MYO18B: variants seen among roughly 807,000 people sequenced by gnomAD.
MYO18B encodes unconventional myosin-XVIIIb.
A neutral mutation model predicts 273.0 loss-of-function variants in MYO18B; 204 were observed. The observed-to-expected ratio is 0.75, with a 90% confidence interval of 0.67 to 0.84. The LOEUF (loss-of-function observed/expected upper bound fraction) is 0.84. MYO18B is among the 40% of genes least tolerant of loss of function. MYO18B has a pLI of 0.00. For missense variants in MYO18B, 3,212 were observed against 3,287.6 expected (o/e 0.98, Z 0.56); for synonymous variants, 1,330 against 1,305.7 (o/e 1.02, Z -0.40).
intron 6 of MYO18B, 107 bp from the exon 7 acceptor site, chr22:25,772,227 C>T (rs1200650208): frequency 9.7e-7 from 1 of 1,027,088 alleles, no homozygotes; most frequent in Non-Finnish European, 1.4e-6. Flanking sequence ...TGGCACATAG[C>T]TCTCAAGAGG....
chr22:25,827,732 C>T (rs1397950082), intron 14 of MYO18B, among the ~76,000 whole-genome samples: 4 of 152,126 alleles, frequency 2.6e-5, no homozygotes, highest in African/African-American at 4.8e-5. Context: ...GGGGATCATG[C>T]GTGCTTAGAG....
intron 3 of MYO18B, among the ~76,000 whole-genome samples, chr22:25,766,666 C>T (rs1207019359): frequency 6.6e-6 from 1 of 152,132 alleles, no homozygotes; most frequent in East Asian, 1.9e-4. Context: ...TCAGCATGGG[C>T]AACAGCCTGG....
intron 1 of MYO18B, among the ~76,000 whole-genome samples, chr22:25,760,331 G>A (rs2146585247): frequency 6.7e-6 from 1 of 149,422 alleles, no homozygotes; most frequent in East Asian, 2.0e-4. Flanking sequence ...AGAATTGCTG[G>A]AACTGGGGAG....
intron 34 of MYO18B, among the ~76,000 whole-genome samples, chr22:25,923,014 T>C (rs939614191): frequency 1.3e-5 from 2 of 152,212 alleles, no homozygotes; most frequent in African/African-American, 4.8e-5. Flanking sequence ...ACCTGCCCAG[T>C]CTCCTCTGGT....
At chr22:26,040,981 G>A in the MYO18B span, among the ~76,000 whole-genome samples, 13 of 152,040 alleles carry the variant, frequency 8.6e-5, no homozygotes, top group Non-Finnish European at 1.6e-4. Context: ...CAGAACTTTC[G>A]GTGCTAAAAC....
chr22:26,029,760 C>G (rs140777066), intron 43 of MYO18B, among the ~76,000 whole-genome samples: 2 of 152,082 alleles, frequency 1.3e-5, no homozygotes, highest in East Asian at 3.9e-4. Context: ...GCCATTGGAC[C>G]CTAGGCAAGT....
At chr22:25,859,990 T>A (rs1255822731) in intron 21 of MYO18B, among the ~76,000 whole-genome samples, 1 of 152,230 alleles carries the variant, frequency 6.6e-6, no homozygotes, top group Non-Finnish European at 1.5e-5. Context: ...ACATTTGATC[T>A]ATTGTGTGTT....
chr22:25,920,929 C>T (rs1238233297), intron 33 of MYO18B, among the ~76,000 whole-genome samples: 4 of 152,184 alleles, frequency 2.6e-5, no homozygotes, highest in Non-Finnish European at 4.4e-5. Flanking sequence ...TGATGACTTG[C>T]GTGCAAGAGA....
At chr22:25,895,097 C>T in intron 27 of MYO18B, 59 bp from the exon 28 acceptor site, 3 of 1,573,644 alleles carry the variant, frequency 1.9e-6, no homozygotes, top group Non-Finnish European at 2.6e-6. Context: ...GAGCCACTCA[C>T]ACTCTTGCCT....
At chr22:25,950,965 A>T (rs751794255) in intron 37 of MYO18B, among the ~76,000 whole-genome samples, 4 of 152,194 alleles carry the variant, frequency 2.6e-5, no homozygotes, top group Non-Finnish European at 2.9e-5. Flanking sequence ...CCGAGTCCCA[A>T]AACTGAAGAA....
intron 42 of MYO18B, among the ~76,000 whole-genome samples, chr22:26,021,454 T>G (rs1030127992): frequency 6.6e-6 from 1 of 152,206 alleles, no homozygotes; most frequent in Non-Finnish European, 1.5e-5. Flanking sequence ...ATCCAACACA[T>G]GTTTATGGAG....
downstream of MYO18B, among the ~76,000 whole-genome samples, chr22:26,034,450 CCAG>C (rs1211711930): frequency 6.6e-6 from 1 of 152,204 alleles, no homozygotes; most frequent in Non-Finnish European, 1.5e-5. Flanking sequence ...TACCAGCTTC[CCAG>C]CATCCTTGTA....
At position 25,770,053 on chromosome 22, in the gene MYO18B, T is replaced by C. The variant is rs2086662940; in HGVS notation, c.1513-57T>C. On this transcript the variant is annotated intron_variant, in intron 4 of 43. Transcript: ENST00000335473. ...CACTGTGAGAAACCCCCGTGTAAGGTAGAAGATGGGCAGCGGTGCCATTTG... is the reference window on the plus strand; with the variant it reads ...CACTGTGAGAAACCCCCGTGTAAGGCAGAAGATGGGCAGCGGTGCCATTTG... 5 of 1,566,348 alleles carry C rather than the reference T, an allele frequency of 3.2e-6. No homozygotes were observed. The East Asian group carries it at 1.1e-4, about 35-fold the overall frequency.
chr22:25,880,803 A>G (rs1206830347), intron 25 of MYO18B, among the ~76,000 whole-genome samples: 8 of 152,260 alleles, frequency 5.3e-5, no homozygotes, highest in Non-Finnish European at 1.0e-4. Flanking sequence ...GAGGTTAAGC[A>G]TGGGCTCTAT....
chr22:25,866,785 A>G, intron 21 of MYO18B, among the ~76,000 whole-genome samples: 1 of 86,770 alleles, frequency 1.2e-5, no homozygotes, highest in Non-Finnish European at 2.3e-5. Flanking sequence ...ACTCCGTCTC[A>G]AAAAAAAAAA....
intron 34 of MYO18B, among the ~76,000 whole-genome samples, chr22:25,928,378 G>A (rs1295345886): frequency 6.7e-6 from 1 of 148,244 alleles, no homozygotes; most frequent in African/African-American, 2.5e-5. Flanking sequence ...AGACCAGCCT[G>A]GGCAACATAG....
At chr22:25,799,235 G>A (rs1012286628) in intron 12 of MYO18B, among the ~76,000 whole-genome samples, 1 of 150,708 alleles carries the variant, frequency 6.6e-6, no homozygotes, top group African/African-American at 2.4e-5. Flanking sequence ...TGACCATCAG[G>A]TTCCTTTCTA....
At chr22:25,820,393 G>T (rs6004775) in intron 12 of MYO18B, among the ~76,000 whole-genome samples, 30,045 of 151,916 alleles carry the variant, frequency 0.2, 3,127 homozygotes, top group Non-Finnish European at 0.21. Context: ...AAGCCAGATT[G>T]GTTCTTCAAG....
intron 17 of MYO18B, 105 bp downstream of exon 17, chr22:25,835,548 C>G (rs749827703): frequency 7.1e-7 from 1 of 1,407,940 alleles, no homozygotes. Context: ...CACAGAGGCT[C>G]CAACGTGCAG....
Sources: allele counts gnomAD v4.1 joint callset (sites outside exome capture counted in the v4.1 genomes callset), GRCh38; gene constraint gnomAD v4.1.1; transcripts MANE v1.5; gene names NCBI Gene and HGNC (gene_info 2026-07-23, HGNC 2026-07-21).